Variants in CERS6 observed in about 807,000 individuals in gnomAD.
CERS6 encodes the protein LAG1 homolog, ceramide synthase 6.
Under a neutral mutation model 56.8 loss-of-function variants are expected in CERS6, and 26 were observed. That is an observed-to-expected ratio of 0.46 (90% confidence interval 0.34 to 0.63). The LOEUF (loss-of-function observed/expected upper bound fraction) is 0.63, where lower values mean the gene tolerates loss of function less well. CERS6 is among the 30% of genes least tolerant of loss of function. CERS6 has a pLI of 0.01. For synonymous variants in CERS6, 164 were observed against 173.3 expected (o/e 0.95, Z 0.42); for missense variants, 415 against 467.5 (o/e 0.89, Z 1.04).
At chr2:168,706,282 T>G (rs530314422) in intron 6 of CERS6, among the ~76,000 whole-genome samples, 2 of 152,320 alleles carry the variant, frequency 1.3e-5, no homozygotes, top group East Asian at 3.9e-4. Flanking sequence ...TGTTTTCTAT[T>G]GTGCAAATAA....
intron 2 of CERS6, among the ~76,000 whole-genome samples, chr2:168,557,997 A>T (rs1006842237): frequency 6.6e-6 from 1 of 152,126 alleles, no homozygotes; most frequent in African/African-American, 2.4e-5. Context: ...TACTCTTCAT[A>T]AAAAAATGGA....
chr2:168,714,913 C>G (rs1258084037), intron 6 of CERS6, 88 bp from the exon 7 acceptor site: 4 of 1,283,348 alleles, frequency 3.1e-6, no homozygotes, highest in Non-Finnish European at 4.3e-6. Context: ...TGTGGAGGTT[C>G]TCAGTAAATA....
intron 8 of CERS6, among the ~76,000 whole-genome samples, chr2:168,754,973 A>G (rs576339307): frequency 1.3e-5 from 2 of 152,258 alleles, no homozygotes; most frequent in East Asian, 3.9e-4. Context: ...AGGTCCCACT[A>G]TGTTGCCCAG....
chr2:168,570,026 C>T (rs956653171), intron 3 of CERS6, among the ~76,000 whole-genome samples: 2 of 152,154 alleles, frequency 1.3e-5, no homozygotes, highest in Non-Finnish European at 2.9e-5. Context: ...TAGTCTGTCA[C>T]AGCCATGCCC....
intron 3 of CERS6, among the ~76,000 whole-genome samples, chr2:168,565,210 A>G (rs1230074771): frequency 1.3e-5 from 2 of 152,248 alleles, no homozygotes; most frequent in Admixed American, 6.5e-5. Context: ...TGTGTGTGTC[A>G]TACTTACTTA....
intron 1 of CERS6, among the ~76,000 whole-genome samples, chr2:168,460,980 G>A (rs189985717): frequency 2.8e-4 from 43 of 151,082 alleles, no homozygotes; most frequent in Middle Eastern, 3.4e-3. Context: ...AGTTGAGAGA[G>A]CGAGAGAGAG....
intron 4 of CERS6, among the ~76,000 whole-genome samples, chr2:168,680,623 A>C (rs1335334274): frequency 6.7e-6 from 1 of 148,220 alleles, no homozygotes; most frequent in African/African-American, 2.5e-5. Flanking sequence ...TTGCCACATG[A>C]TATTAAGAGG....
intron 1 of CERS6, among the ~76,000 whole-genome samples, chr2:168,498,147 T>C (rs558826276): frequency 2.8e-4 from 42 of 152,310 alleles, no homozygotes; most frequent in African/African-American, 9.9e-4. Flanking sequence ...AATAGTCATA[T>C]TGCTAAAGTG....
intron 1 of CERS6, among the ~76,000 whole-genome samples, chr2:168,500,831 G>T (rs1433908573): frequency 6.6e-6 from 1 of 152,208 alleles, no homozygotes; most frequent in East Asian, 1.9e-4. Flanking sequence ...AATTTTGACA[G>T]TGTGTGTGTT....
rs530765633 is a variant in CERS6, at chr2:168,458,598, T to C, written c.170+1980T>C. 2.0e-5 allele frequency among the ~76,000 whole-genome samples: 3 copies of C among 152,350 alleles called. No individual in the cohort carries two copies. In the East Asian group the frequency reaches 5.8e-4, roughly 29 times the overall value. The stretch of plus-strand genomic sequence containing the variant: ...TTTCAATTGTCAGTCACAGCAAATG[T>C]CCTCATATTGATATAAAGTGAGTTG... On this transcript the variant is annotated intron_variant, in intron 1 of 9. Transcript: ENST00000305747.
intron 1 of CERS6, among the ~76,000 whole-genome samples, chr2:168,460,801 G>C (rs1693764849): frequency 6.6e-6 from 1 of 152,274 alleles, no homozygotes; most frequent in African/African-American, 2.4e-5. Flanking sequence ...GTCATCCTTT[G>C]GGAGGCTGAC....
chr2:168,464,154 T>C (rs1573999512), intron 1 of CERS6, among the ~76,000 whole-genome samples: 2 of 149,678 alleles, frequency 1.3e-5, no homozygotes, highest in South Asian at 2.1e-4. Context: ...TCTTTTTCTC[T>C]GGTCACATAT....
chr2:168,600,223 T>C (rs974188530), intron 3 of CERS6, among the ~76,000 whole-genome samples: 1 of 151,548 alleles, frequency 6.6e-6, no homozygotes, highest in African/African-American at 2.4e-5. Flanking sequence ...TTTTTTTTTT[T>C]AATCGGAGTC....
intron 4 of CERS6, among the ~76,000 whole-genome samples, chr2:168,648,955 G>A (rs148769534): frequency 5.5e-4 from 84 of 152,272 alleles, no homozygotes; most frequent in African/African-American, 1.6e-3. Flanking sequence ...TGAGGAGAAT[G>A]TATATTCTGT....
At chr2:168,538,094 C>T (rs1029307342) in intron 1 of CERS6, among the ~76,000 whole-genome samples, 1 of 152,192 alleles carries the variant, frequency 6.6e-6, no homozygotes, top group African/African-American at 2.4e-5. Flanking sequence ...CAGCAGCCTC[C>T]CAGTTAGCCT....
Position 168,456,501 on chromosome 2 carries a change from A to C in CERS6, c.53A>C (p.Asn18Thr). 6.2e-7 allele frequency: 1 copy of C among 1,613,928 alleles called. No homozygotes were observed. Among genetic ancestry groups the C allele is most frequent in the Non-Finnish European group, 8.5e-7 (1 of 1,179,852 alleles). ...AACGAGAGGTTTTGGCTCCCGCACA[A>C]TGTCACCTGGGCGGACCTGAAGAAC... The part of the protein sequence containing the change: ...FWNERFWLPH[N>T]VTWADLKNTE... The change falls in exon 1 of 10, where the codon AAT (asparagine) becomes ACT (threonine). Residue 18 changes from asparagine (N) to threonine (T), a missense_variant. Asn to Thr is a moderately conservative substitution (Grantham distance 65). Transcript: ENST00000305747. This position sits in a 1 kb window ranked among gnomAD's most constrained non-coding sequence, Gnocchi z 4.1.
chr2:168,485,207 T>C (rs551957688), intron 1 of CERS6, among the ~76,000 whole-genome samples: 10 of 152,240 alleles, frequency 6.6e-5, no homozygotes, highest in Non-Finnish European at 1.2e-4. Context: ...ATTATTGTTT[T>C]AATCAGTTGT....
intron 1 of CERS6, among the ~76,000 whole-genome samples, chr2:168,460,944 T>C (rs533418118): frequency 6.6e-6 from 1 of 152,216 alleles, no homozygotes; most frequent in South Asian, 2.1e-4. Flanking sequence ...TATTGTCCAC[T>C]AGCCTTGGGT....
intron 1 of CERS6, among the ~76,000 whole-genome samples, chr2:168,488,104 C>T (rs894601596): frequency 6.6e-6 from 1 of 152,180 alleles, no homozygotes. Context: ...CTTTGTCAAA[C>T]ATGCAGTGTT....
Sources: gnomAD v4.1 joint callset for allele counts (sites outside exome capture counted in the v4.1 genomes callset) on GRCh38, gnomAD v4.1.1 for gene constraint, Gnocchi (gnomAD v3.1) non-coding constraint, MANE v1.5 for transcripts, NCBI Gene and HGNC (gene_info 2026-07-23, HGNC 2026-07-21) for gene names.